Variants in INTS1 observed in about 807,000 individuals in gnomAD.
The protein encoded by INTS1 is integrator complex subunit 1.
INTS1 carries 137 observed loss-of-function variants against 241.6 expected under a neutral mutation model. That is an observed-to-expected ratio of 0.57 (90% CI 0.49 to 0.65). The LOEUF (loss-of-function observed/expected upper bound fraction) is 0.65, where lower values mean the gene tolerates loss of function less well. Among genes scored for constraint, INTS1 ranks in the 30% least tolerant of loss-of-function variants. The probability of loss-of-function intolerance (pLI) is 0.00; values close to 1 mark genes in which losing one functional copy is unlikely to be tolerated. For synonymous variants in INTS1, 1,692 were observed against 1,337.8 expected (o/e 1.26, Z -5.78); for missense variants, 3,073 against 3,032.2 (o/e 1.01, Z -0.32).
chr7:1,485,634 T>G, intron 22 of INTS1, 165 bp from the exon 23 acceptor site: 1 of 685,468 alleles, frequency 1.5e-6, no homozygotes, highest in Non-Finnish European at 2.4e-6. Context: ...GACTGAGCTC[T>G]TTCTGTTAAA....
rs767771109 is a variant in INTS1, at chr7:1,474,194, G to A, written c.5803C>T (p.Leu1935Phe). The A allele has an allele frequency of 3.8e-6, 6 of 1,585,718 alleles. No homozygotes were observed. Among genetic ancestry groups the A allele is most frequent in the South Asian group, 2.2e-5 (2 of 89,478 alleles). Residue 1935 changes from leucine to phenylalanine, a missense_variant, in exon 41 of 48, where the codon CTT becomes TTT. Transcript: ENST00000404767. ...SEHQGALWDC[L>F]LSFIRLLLNY... The stretch of plus-strand genomic sequence containing the variant: ...AGCAGCAGGCGGATGAAGGACAGAA[G>A]GCAGTCCCACAGCGCCCCCTGGTGC...
Position 1,493,978 on chromosome 7 carries a change from A to G in INTS1, c.1911-67T>C, listed in dbSNP as rs1377597612. On this transcript the variant is annotated intron_variant, in intron 14 of 47. Transcript: ENST00000404767. This position sits in a 1 kb window ranked among gnomAD's most constrained non-coding sequence, Gnocchi z 5.3. ...ACCTGCCAGACCTGAGGGGCCGAGG[A>G]CAGGCCAGCTTCTCCCTCAGAGCCC... 2.7e-5 allele frequency: 40 copies of G among 1,495,612 alleles called. No homozygotes were observed. The highest frequency in any genetic ancestry group is 3.0e-5 in the Non-Finnish European group (33 of 1,113,406). The allele number at this position is 1,495,612 out of a possible 1,614,324, so 92.6% of individuals were successfully genotyped here.
chr7:1,474,950 C>T, intron 39 of INTS1, 112 bp from the exon 40 acceptor site: 1 of 1,387,982 alleles, frequency 7.2e-7, no homozygotes, highest in Non-Finnish European at 9.6e-7. Context: ...ACGCCATGAG[C>T]AGAGGAACTG....
In INTS1 at chr7:1,479,594, C is replaced by T. The variant is rs1348898258; in HGVS notation, c.4165G>A (p.Ala1389Thr). ...ALQQALGQEL[A>T]RVVQGSPEVP... Reference sequence around the variant, plus strand: ...TCGGGGCTGCCCTGGACGACGCGGGCCAGCTCCTGGCCCAGGGCCTGCTGC... The same window carrying T: ...TCGGGGCTGCCCTGGACGACGCGGGTCAGCTCCTGGCCCAGGGCCTGCTGC... The change falls in exon 31 of 48, where the codon GCC becomes ACC. Residue 1389 changes from alanine to threonine, a missense_variant. Transcript: ENST00000404767. 1 of 1,538,832 alleles carries T rather than the reference C, an allele frequency of 6.5e-7. No individual in the cohort carries two copies. Among genetic ancestry groups the T allele is most frequent in the African/African-American group, 1.4e-5 (1 of 72,968 alleles).
rs1782811202 is a variant in INTS1, at chr7:1,495,621, G to C, written c.1712-68C>G. 4 of 1,549,046 alleles carry C rather than the reference G, an allele frequency of 2.6e-6. No homozygotes were observed. The South Asian group carries it at 4.7e-5, about 18-fold the overall frequency. On this transcript the variant is annotated intron_variant, in intron 12 of 47. Transcript: ENST00000404767. ...CCATGAGGGGCTAAGGCACCCCTGG[G>C]GGTCCAACTCAATGCTGGCACTTGG...
rs1783278277 is a variant in INTS1, at chr7:1,503,172, G to T, written c.78C>A (p.Asp26Glu). 1 of 1,545,506 alleles carries T rather than the reference G, an allele frequency of 6.5e-7. No homozygotes were observed. The highest frequency in any genetic ancestry group is 1.2e-5 in the South Asian group (1 of 81,444). ...AKPSGHPPPG[D>E]FIALGSKGQA... is the part of the protein sequence containing the mutation. The stretch of plus-strand genomic sequence containing the variant: ...GACCCTTTGAGCCCAGAGCAATGAA[G>T]TCTCCTGGGGGAGGGTGCCCTGCAG... The change falls in exon 3 of 48, where the codon GAC becomes GAA. Residue 26 changes from aspartate to glutamate, a missense_variant. Transcript: ENST00000404767.
Position 1,497,580 on chromosome 7 carries a change from G to A in INTS1, c.1426-266C>T, listed in dbSNP as rs573835779. On this transcript the variant is annotated intron_variant, in intron 10 of 47. Coordinates refer to ENST00000404767, the MANE Select transcript of INTS1 (RefSeq NM_001080453.3). This position sits in a 1 kb window ranked among gnomAD's most constrained non-coding sequence, Gnocchi z 5.3. ...GGATTAATTAACGGAAGCTGGGGGT[G>A]CGGGACACCAGGCGGCAAAGCCATA... Among the ~76,000 whole-genome samples the A allele has an allele frequency of 2.6e-5, 4 of 152,152 alleles. No homozygotes were observed. The highest frequency in any genetic ancestry group is 6.5e-5 in the Admixed American group (1 of 15,282).
At chr7:1,503,296 G>A in intron 2 of INTS1, 105 bp from the exon 3 acceptor site, 7 of 1,252,674 alleles carry the variant, frequency 5.6e-6, no homozygotes, top group Non-Finnish European at 7.7e-6. Flanking sequence ...ACAAGGGTCA[G>A]AGGAGGCAAG....
At chr7:1,488,670 C>T (rs1356690529) in intron 18 of INTS1, among the ~76,000 whole-genome samples, 1 of 152,208 alleles carries the variant, frequency 6.6e-6, no homozygotes, top group Admixed American at 6.5e-5. Flanking sequence ...ACACACTCCC[C>T]GTCCCTATGA....
At chr7:1,503,274 A>G in intron 2 of INTS1, 83 bp from the exon 3 acceptor site, 1 of 1,402,196 alleles carries the variant, frequency 7.1e-7, no homozygotes, top group Non-Finnish European at 9.7e-7. Flanking sequence ...CTGTTATGTC[A>G]GAGGGGATTA....
intron 3 of INTS1, chr7:1,501,334 T>A (rs555541983): frequency 6.6e-5 from 10 of 151,544 alleles, no homozygotes; most frequent in Middle Eastern, 3.2e-3. Context: ...TAAATACATA[T>A]CCACACACAT....
Position 1,476,448 on chromosome 7 carries a change from C to G in INTS1, c.5159G>C (p.Arg1720Pro), listed in dbSNP as rs781663701. ...GRDQRTPQKR[R>P]EELVLRVQGP... is the part of the protein sequence containing the mutation. ...CTGGACCCGCAGCACCAGCTCCTCC[C>G]GCCGCTTCTGTAACGGGTGCCTGCA... is the stretch of plus-strand genomic sequence containing the variant. Residue 1720 changes from arginine to proline, a missense_variant, in exon 38 of 48, where the codon CGG becomes CCG. Coordinates refer to ENST00000404767, the MANE Select transcript of INTS1 (RefSeq NM_001080453.3). 1.3e-6 allele frequency: 2 copies of G among 1,570,226 alleles called. No individual in the cohort carries two copies. Among genetic ancestry groups the G allele is most frequent in the South Asian group, 2.3e-5 (2 of 87,300 alleles).
chr7:1,483,077 C>G (rs1173763201), intron 26 of INTS1: 1 of 243,320 alleles, frequency 4.1e-6, no homozygotes, highest in Non-Finnish European at 8.1e-6. Flanking sequence ...CCACACAGGG[C>G]CAGCTTCTCC....
chr7:1,474,127 G>A (rs777141603), intron 41 of INTS1, 41 bp downstream of exon 41: 47 of 1,527,834 alleles, frequency 3.1e-5, no homozygotes, highest in Non-Finnish European at 3.8e-5. Flanking sequence ...AGAGCAGAGG[G>A]AGTGGAAGGG....
intron 17 of INTS1, 72 bp from the exon 18 acceptor site, chr7:1,489,476 GCTC>G (rs1782446426): frequency 6.4e-7 from 1 of 1,553,474 alleles, no homozygotes; most frequent in Non-Finnish European, 8.7e-7. Flanking sequence ...GCTTCTCCCA[GCTC>G]CTCCTCTCAT....
At position 1,503,930 on chromosome 7, in the gene INTS1, G is replaced by T; in HGVS notation, c.31C>A (p.Arg11=). ...GAGGGTTTGGCCGCGGCGCTGGGCC[G>T]GCGCACCGTGGTGGGCTTGGCCCGG... MNRAKPTTVR[R]PSAAAKPSGH... The change falls in exon 2 of 48, where the codon CGG becomes AGG. Residue 11 remains arginine (R), a synonymous_variant. Transcript: ENST00000404767. 1.3e-6 allele frequency: 2 copies of T among 1,571,682 alleles called. No homozygotes were observed. Among genetic ancestry groups the T allele is most frequent in the Non-Finnish European group, 1.7e-6 (2 of 1,159,250 alleles).
At chr7:1,471,483 C>G in intron 45 of INTS1, 88 bp downstream of exon 45, 1 of 1,417,800 alleles carries the variant, frequency 7.1e-7, no homozygotes, top group Non-Finnish European at 9.9e-7. Flanking sequence ...GGGCTCAGCG[C>G]GGGCACGCCA....
At chr7:1,474,949 G>T in intron 39 of INTS1, 111 bp from the exon 40 acceptor site, 1 of 1,391,076 alleles carries the variant, frequency 7.2e-7, no homozygotes, top group Non-Finnish European at 9.6e-7. Flanking sequence ...CACGCCATGA[G>T]CAGAGGAACT....
chr7:1,498,885 G>T (rs371101388), intron 8 of INTS1, 33 bp from the exon 9 acceptor site: 9 of 1,567,410 alleles, frequency 5.7e-6, no homozygotes, highest in South Asian at 3.5e-5. Flanking sequence ...GTGGGCTCAC[G>T]GCCACCCCGG....
Sources: gnomAD v4.1 joint callset for allele counts (sites outside exome capture counted in the v4.1 genomes callset) on GRCh38, gnomAD v4.1.1 for gene constraint, Gnocchi (gnomAD v3.1) non-coding constraint, MANE v1.5 for transcripts, NCBI Gene and HGNC (gene_info 2026-07-23, HGNC 2026-07-21) for gene names.